Variants in CDH12 observed in about 807,000 individuals in gnomAD.
CDH12 encodes the protein cadherin-12.
In CDH12, 41 loss-of-function variants were observed where a neutral mutation model predicts 74.1. That is an observed-to-expected ratio of 0.55 (90% confidence interval 0.43 to 0.72). The LOEUF is 0.72. CDH12 is among the 30% of genes least tolerant of loss of function. The pLI, the probability that CDH12 is intolerant of heterozygous loss-of-function variation, is 0.00. For missense variants in CDH12, 945 were observed against 977.2 expected (o/e 0.97, Z 0.44); for synonymous variants, 399 against 355.0 (o/e 1.12, Z -1.39).
chr5:22,512,986 G>A (rs919349933), intron 1 of CDH12, among the ~76,000 whole-genome samples: 2 of 152,124 alleles, frequency 1.3e-5, no homozygotes, highest in African/African-American at 4.8e-5. Context: ...GCAGTGAGCC[G>A]AGATCCCGCC....
chr5:22,135,403 T>G (rs1046986639), intron 4 of CDH12, among the ~76,000 whole-genome samples: 6 of 151,976 alleles, frequency 3.9e-5, no homozygotes, highest in African/African-American at 1.4e-4. Flanking sequence ...AGGTGAATAC[T>G]GATCAAGTTA....
At chr5:22,456,848 G>A (rs1745295217) in intron 2 of CDH12, among the ~76,000 whole-genome samples, 1 of 152,120 alleles carries the variant, frequency 6.6e-6, no homozygotes, top group African/African-American at 2.4e-5. Flanking sequence ...AGGGTACAAA[G>A]ACAATTGTGG....
At chr5:22,726,529 C>T (rs1372142493) in intron 1 of CDH12, among the ~76,000 whole-genome samples, 3 of 151,746 alleles carry the variant, frequency 2.0e-5, no homozygotes, top group African/African-American at 7.2e-5. Context: ...TTTTAAGAAA[C>T]TGCTAAACTC....
At chr5:21,941,889 G>A (rs1276091100) in intron 6 of CDH12, among the ~76,000 whole-genome samples, 2 of 151,926 alleles carry the variant, frequency 1.3e-5, no homozygotes, top group Non-Finnish European at 2.9e-5. Flanking sequence ...TTCTATTCAA[G>A]GCCACTGTGG....
At chr5:22,384,210 T>C (rs908142743) in intron 3 of CDH12, among the ~76,000 whole-genome samples, 7 of 152,184 alleles carry the variant, frequency 4.6e-5, no homozygotes, top group Admixed American at 1.3e-4. Flanking sequence ...CCTAGATAAA[T>C]ATTAAAAAAT....
intron 2 of CDH12, among the ~76,000 whole-genome samples, chr5:22,497,508 A>G (rs1747147168): frequency 6.6e-6 from 1 of 152,106 alleles, no homozygotes; most frequent in Non-Finnish European, 1.5e-5. Context: ...TTGCCTAAAA[A>G]GGAGCTTCCT....
chr5:22,110,138 C>T (rs1744721193), intron 4 of CDH12, among the ~76,000 whole-genome samples: 1 of 152,130 alleles, frequency 6.6e-6, no homozygotes, highest in South Asian at 2.1e-4. Context: ...ATAGGGAGGA[C>T]ATCTTTCCTA....
intron 3 of CDH12, among the ~76,000 whole-genome samples, chr5:22,378,630 C>A (rs1176818898): frequency 6.6e-6 from 1 of 152,006 alleles, no homozygotes; most frequent in African/African-American, 2.4e-5. Context: ...TATACTTGAA[C>A]ATTTATTGCA....
At chr5:22,481,524 A>T (rs1160038057) in intron 2 of CDH12, among the ~76,000 whole-genome samples, 1 of 152,174 alleles carries the variant, frequency 6.6e-6, no homozygotes, top group Non-Finnish European at 1.5e-5. Flanking sequence ...TTGAGCCTTA[A>T]AAAATAAGGA....
At chr5:22,069,009 G>T (rs1741753699) in intron 5 of CDH12, among the ~76,000 whole-genome samples, 1 of 152,110 alleles carries the variant, frequency 6.6e-6, no homozygotes, top group African/African-American at 2.4e-5. Context: ...GATTACACTT[G>T]ATCACTTTCA....
At chr5:22,035,375 C>T (rs1431402733) in intron 5 of CDH12, among the ~76,000 whole-genome samples, 2 of 150,184 alleles carry the variant, frequency 1.3e-5, no homozygotes, top group African/African-American at 5.0e-5. Context: ...AAGTTAATTT[C>T]TCTGGCCTGT....
Position 22,807,224 on chromosome 5 carries a change from T to G in CDH12, c.-523+45834A>C, listed in dbSNP as rs369692438. On this transcript the variant is annotated intron_variant, in intron 1 of 14. Coordinates refer to ENST00000382254, the MANE Select transcript of CDH12 (RefSeq NM_004061.5). ...TATTTACATAATTGTGGCATGCATA[T>G]GGGAATAATATTATAGTCATTATGT... 7.9e-5 allele frequency among the ~76,000 whole-genome samples: 12 copies of G among 152,340 alleles called. No homozygotes were observed. In the East Asian group the frequency reaches 1.3e-3, roughly 17 times the overall value.
At chr5:21,975,430 C>A (rs1757028966) in intron 5 of CDH12, 45 bp from the exon 6 acceptor site, 1 of 1,403,998 alleles carries the variant, frequency 7.1e-7, no homozygotes, top group South Asian at 1.3e-5. Context: ...AAGAGAAGGA[C>A]AAAGAAAGAA....
chr5:22,492,722 T>A (rs1016527446), intron 2 of CDH12, among the ~76,000 whole-genome samples: 1 of 152,188 alleles, frequency 6.6e-6, no homozygotes, highest in African/African-American at 2.4e-5. Context: ...TGGCTTTATT[T>A]GCAGAATATT....
At chr5:22,174,069 C>A (rs1363028939) in intron 4 of CDH12, among the ~76,000 whole-genome samples, 2 of 151,934 alleles carry the variant, frequency 1.3e-5, no homozygotes, top group African/African-American at 4.8e-5. Flanking sequence ...AATATCATTT[C>A]ATTTTCACAA....
At chr5:22,232,871 A>C (rs1027544074) in intron 3 of CDH12, among the ~76,000 whole-genome samples, 1 of 144,806 alleles carries the variant, frequency 6.9e-6, no homozygotes, top group Non-Finnish European at 1.5e-5. Flanking sequence ...ATTTATATAT[A>C]TATTTTTTCT....
At chr5:22,147,877 T>C (rs890229391) in intron 4 of CDH12, among the ~76,000 whole-genome samples, 1 of 152,108 alleles carries the variant, frequency 6.6e-6, no homozygotes, top group Non-Finnish European at 1.5e-5. Flanking sequence ...AAGATTTGGG[T>C]GGGGACACAG....
chr5:21,866,880 A>G (rs781549337), intron 6 of CDH12, among the ~76,000 whole-genome samples: 2 of 152,152 alleles, frequency 1.3e-5, no homozygotes, highest in African/African-American at 2.4e-5. Flanking sequence ...GAGGAAAAAA[A>G]ATGGTTTTGT....
intron 4 of CDH12, among the ~76,000 whole-genome samples, chr5:22,098,441 AACAACTTGACC>A (rs1238254279): frequency 6.6e-6 from 1 of 152,102 alleles, no homozygotes; most frequent in Non-Finnish European, 1.5e-5. Context: ...TTTCTGTCCA[AACAACTTGACC>A]TTACTGTTTT....
Sources: allele counts gnomAD v4.1 joint callset (sites outside exome capture counted in the v4.1 genomes callset), GRCh38; gene constraint gnomAD v4.1.1; transcripts MANE v1.5; gene names NCBI Gene and HGNC (gene_info 2026-07-23, HGNC 2026-07-21).